The following LPCAT2 variants were observed in gnomAD, a reference collection of about 807,000 sequenced individuals.
LPCAT2 encodes lysophosphatidylcholine acyltransferase 2, also known as 1-AGP acyltransferase 11.
Under a neutral mutation model 64.7 loss-of-function variants are expected in LPCAT2, and 58 were observed. That is an observed-to-expected ratio of 0.90 (90% CI 0.73 to 1.12). LPCAT2 has a LOEUF of 1.12. LPCAT2 is among the 50% of genes most tolerant of loss of function. LPCAT2 has a pLI of 0.00. For synonymous variants in LPCAT2, 252 were observed against 245.3 expected (o/e 1.03, Z -0.26); for missense variants, 579 against 669.8 (o/e 0.86, Z 1.50).
At chr16:55,573,411 C>T (rs1469009930) in intron 11 of LPCAT2, among the ~76,000 whole-genome samples, 2 of 150,448 alleles carry the variant, frequency 1.3e-5, no homozygotes, top group African/African-American at 2.4e-5. Flanking sequence ...TTTTTCTTAG[C>T]CCCTGTCTCT....
At chr16:55,576,874 AT>A (rs1195643825) in intron 12 of LPCAT2, among the ~76,000 whole-genome samples, 5 of 152,174 alleles carry the variant, frequency 3.3e-5, no homozygotes, top group African/African-American at 1.2e-4. Flanking sequence ...CAAAGGACAC[AT>A]ATAGAGGAAG....
intron 4 of LPCAT2, among the ~76,000 whole-genome samples, chr16:55,530,409 G>A (rs1307245900): frequency 1.3e-5 from 2 of 151,084 alleles, no homozygotes; most frequent in Non-Finnish European, 2.9e-5. Context: ...GTGCTTTTCA[G>A]TTCAAGGGGC....
chr16:55,541,941 G>A (rs1467322938), intron 8 of LPCAT2: 6 of 1,262,768 alleles, frequency 4.8e-6, no homozygotes, highest in Non-Finnish European at 5.2e-6. Context: ...ATTACACAAA[G>A]AACTAGAACT....
chr16:55,522,351 T>G (rs1213192110), intron 1 of LPCAT2, among the ~76,000 whole-genome samples: 3 of 151,738 alleles, frequency 2.0e-5, no homozygotes, highest in African/African-American at 7.2e-5. Context: ...CATAGAGAGA[T>G]ATACCATGTT....
intron 11 of LPCAT2, among the ~76,000 whole-genome samples, chr16:55,561,452 C>T (rs1346314939): frequency 6.7e-6 from 1 of 149,126 alleles, no homozygotes; most frequent in Non-Finnish European, 1.5e-5. Context: ...TAATAAATAG[C>T]CATAGGGGAT....
Position 55,562,167 on chromosome 16 carries a change from C to T in LPCAT2, c.1215+11065C>T, listed in dbSNP as rs144545039. On this transcript the variant is annotated intron_variant, in intron 11 of 13. Coordinates refer to ENST00000262134, the MANE Select transcript of LPCAT2 (RefSeq NM_017839.5). ...TTCCATTTTATTGATCTCCCTTTAT[C>T]TCTCATCACTCCTAGCAATAGAGTC... is the stretch of plus-strand genomic sequence containing the variant. Among the ~76,000 whole-genome samples, 177 of 152,054 alleles carry T rather than the reference C, an allele frequency of 1.2e-3. 2 individuals carry two copies. Among genetic ancestry groups the T allele is most frequent in the African/African-American group, 4.1e-3 (170 of 41,554 alleles).
At chr16:55,535,971 AAG>A (rs1346303250) in intron 7 of LPCAT2, among the ~76,000 whole-genome samples, 2 of 152,196 alleles carry the variant, frequency 1.3e-5, no homozygotes, top group Non-Finnish European at 2.9e-5. Flanking sequence ...AATTAGGAGA[AAG>A]AATTCAGGAA....
At chr16:55,563,081 T>C (rs1963654344) in intron 11 of LPCAT2, among the ~76,000 whole-genome samples, 1 of 151,768 alleles carries the variant, frequency 6.6e-6, no homozygotes, top group Admixed American at 6.6e-5. Flanking sequence ...ATAAAAAGGA[T>C]GATGAGTGAG....
chr16:55,540,175 A>G (rs780681484), intron 8 of LPCAT2: 10 of 152,178 alleles, frequency 6.6e-5, no homozygotes, highest in Non-Finnish European at 1.0e-4. Context: ...ACATAGAGAC[A>G]TACAGTATTT....
chr16:55,586,079 C>T lies in LPCAT2; in HGVS notation c.*2981C>T, dbSNP rs938751576. ...ACTTACATTTTTTTCCTTTTCTGCT[C>T]ATTTGAATGAACTCAATTTTATGTT... On this transcript the variant is annotated 3_prime_UTR_variant, in exon 14 of 14. Transcript: ENST00000262134. The T allele has an allele frequency of 3.3e-5, 5 of 152,058 alleles. 1 individual carries two copies. The South Asian group carries it at 1.0e-3, about 32-fold the overall frequency. 9.4% of individuals were successfully genotyped at this position (152,058 alleles called of 1,614,324 possible).
rs1159803944 is a variant in LPCAT2, at chr16:55,570,926, C to G, written c.1216-3705C>G. 3.9e-5 allele frequency among the ~76,000 whole-genome samples: 6 copies of G among 152,250 alleles called. No individual in the cohort carries two copies. In the East Asian group the frequency reaches 5.8e-4, roughly 15 times the overall value. ...ACTCCTTTGGATTTATAGAGTATCT[C>G]TGACGATGTGAAGACTTTTTTCTGT... On this transcript the variant is annotated intron_variant, in intron 11 of 13. Coordinates refer to ENST00000262134, the MANE Select transcript of LPCAT2 (RefSeq NM_017839.5).
chr16:55,567,469 T>C (rs1246711072), intron 11 of LPCAT2: 1 of 1,613,708 alleles, frequency 6.2e-7, no homozygotes, highest in South Asian at 1.1e-5. Context: ...CAAGTGTCTA[T>C]CAAAGAATGG....
chr16:55,570,581 T>C lies in LPCAT2; in HGVS notation c.1216-4050T>C, dbSNP rs1416712505. Among the ~76,000 whole-genome samples, 5 of 152,042 alleles carry C rather than the reference T, an allele frequency of 3.3e-5. No homozygotes were observed. The South Asian group carries it at 8.3e-4, about 25-fold the overall frequency. On this transcript the variant is annotated intron_variant, in intron 11 of 13. Coordinates refer to ENST00000262134, the MANE Select transcript of LPCAT2 (RefSeq NM_017839.5). ...CCCGGGGGGTCCAGCCTGAGTGACA[T>C]AGGGAGACCCTGTCTTGAAAAAACA...
At chr16:55,510,084 GAAC>G (rs1186568403) in intron 1 of LPCAT2, among the ~76,000 whole-genome samples, 1 of 145,272 alleles carries the variant, frequency 6.9e-6, no homozygotes, top group African/African-American at 2.5e-5. Context: ...TCTGTGGTTA[GAAC>G]AACAGGTAAG....
At chr16:55,545,278 A>C (rs16955381) in intron 8 of LPCAT2, among the ~76,000 whole-genome samples, 1 of 152,194 alleles carries the variant, frequency 6.6e-6, no homozygotes, top group East Asian at 1.9e-4. Context: ...AATAGTAAAA[A>C]TATGGTTGAC....
chr16:55,555,387 G>T (rs1248418939), intron 11 of LPCAT2, among the ~76,000 whole-genome samples: 6 of 152,060 alleles, frequency 3.9e-5, no homozygotes, highest in African/African-American at 1.4e-4. Flanking sequence ...ATGGTATTTT[G>T]TCCAGAGGTA....
At chr16:55,577,429 C>T (rs1283003617) in intron 12 of LPCAT2, among the ~76,000 whole-genome samples, 1 of 152,032 alleles carries the variant, frequency 6.6e-6, no homozygotes, top group African/African-American at 2.4e-5. Context: ...TTGGATGCCC[C>T]CTGTACTACT....
chr16:55,530,895 C>T (rs1487984898), intron 4 of LPCAT2, among the ~76,000 whole-genome samples: 1 of 152,066 alleles, frequency 6.6e-6, no homozygotes, highest in Non-Finnish European at 1.5e-5. Flanking sequence ...CTAGAATTTT[C>T]AGGCATTGGC....
chr16:55,534,563 G>C (rs1596861320), intron 7 of LPCAT2, 86 bp downstream of exon 7: 2 of 642,168 alleles, frequency 3.1e-6, no homozygotes, highest in East Asian at 6.6e-5. Context: ...CTTTAAAAAA[G>C]TATTATTTTA....
Sources: allele counts gnomAD v4.1 joint callset (sites outside exome capture counted in the v4.1 genomes callset), GRCh38; gene constraint gnomAD v4.1.1; transcripts MANE v1.5; gene names NCBI Gene and HGNC (gene_info 2026-07-23, HGNC 2026-07-21).